Variants in CERCAM observed in about 807,000 individuals in gnomAD.
CERCAM encodes inactive glycosyltransferase 25 family member 3.
CERCAM carries 59 observed loss-of-function variants against 66.0 expected under a neutral mutation model. The ratio of observed to expected loss-of-function variants is 0.89; its 90% CI spans 0.73 to 1.11. The LOEUF (loss-of-function observed/expected upper bound fraction) is 1.11, where lower values mean the gene tolerates loss of function less well. CERCAM is among the 50% of genes most tolerant of loss of function. CERCAM has a pLI of 0.00. For missense variants in CERCAM, 840 were observed against 828.3 expected (o/e 1.01, Z -0.17); for synonymous variants, 318 against 343.6 (o/e 0.93, Z 0.83).
Position 128,434,214 on chromosome 9 carries a change from T to C in CERCAM, c.1316T>C (p.Leu439Pro), listed in dbSNP as rs1834048856. The change falls in exon 10 of 13, where the codon CTG (leucine) becomes CCG (proline). Residue 439 changes from leucine (L) to proline (P), a missense_variant. Physicochemically the swap from Leu to Pro is moderately conservative, Grantham distance 98 (BLOSUM62 -3). Transcript: ENST00000372838. The surrounding 1 kb of genome is among the most constrained non-coding windows in gnomAD (Gnocchi z 4.5). ...ATGGAGGATGTGGAGGCAGAGAAAC[T>C]GTCTTGGGACCTGATGTAGGCAGCC... is the stretch of plus-strand genomic sequence containing the variant. Reference protein sequence around the residue: ...RLMEDVEAEKLSWDLIYLGRK... With the variant: ...RLMEDVEAEKPSWDLIYLGRK... 1.2e-6 allele frequency: 2 copies of C among 1,613,938 alleles called. No individual in the cohort carries two copies. Among genetic ancestry groups the C allele is most frequent in the East Asian group, 2.2e-5 (1 of 44,886 alleles).
intron 1 of CERCAM, chr9:128,422,637 A>C (rs980574350): frequency 3.4e-5 from 18 of 531,766 alleles, no homozygotes; most frequent in African/African-American, 1.7e-4. Flanking sequence ...TTATAGAGGG[A>C]GGACGTGAAG....
At chr9:128,431,492 T>C (rs1253887118) in intron 9 of CERCAM, 189 bp downstream of exon 9, 2 of 651,782 alleles carry the variant, frequency 3.1e-6, no homozygotes, top group African/African-American at 3.6e-5. Flanking sequence ...TTCTGCAGTC[T>C]CTCTTGAGCA....
chr9:128,424,347 C>T lies in CERCAM; in HGVS notation c.562-63C>T, dbSNP rs1427763936. Reference sequence around the variant, plus strand: ...ACGTGGAGAGCAGAGAGCCTGAGGCCTTGGGGTCTGTGGGCAGGGGCAGGG... The same window carrying T: ...ACGTGGAGAGCAGAGAGCCTGAGGCTTTGGGGTCTGTGGGCAGGGGCAGGG... On this transcript the variant is annotated intron_variant, in intron 4 of 12. Coordinates refer to ENST00000372838, the MANE Select transcript of CERCAM (RefSeq NM_016174.5). 2.4e-5 allele frequency: 39 copies of T among 1,612,392 alleles called. No homozygotes were observed. The East Asian group carries it at 8.5e-4, about 35-fold the overall frequency.
chr9:128,433,690 TG>T (rs1834033423), intron 9 of CERCAM, among the ~76,000 whole-genome samples: 1 of 152,218 alleles, frequency 6.6e-6, no homozygotes, highest in East Asian at 1.9e-4. Flanking sequence ...TGGGCCCTGG[TG>T]TTCAGCAGAT....
chr9:128,419,332 T>C, upstream of CERCAM: 1 of 152,358 alleles, frequency 6.6e-6, no homozygotes, highest in Non-Finnish European at 1.5e-5. Flanking sequence ...GGAGATAGTG[T>C]GCACAGCCCT....
At chr9:128,435,300 A>G (rs1216387601) in intron 11 of CERCAM, among the ~76,000 whole-genome samples, 1 of 151,772 alleles carries the variant, frequency 6.6e-6, no homozygotes, top group African/African-American at 2.4e-5. Flanking sequence ...CCCAGCCTCA[A>G]TTTTTGTGTT....
At chr9:128,424,693 C>G in intron 5 of CERCAM, 79 bp downstream of exon 5, 1 of 1,272,800 alleles carries the variant, frequency 7.9e-7, no homozygotes, top group Non-Finnish European at 1.1e-6. Flanking sequence ...TTACCATGCC[C>G]TTCCCTACTC....
In CERCAM at chr9:128,423,004, G is replaced by A. The variant is rs377253608; in HGVS notation, c.308+26G>A. The A allele has an allele frequency of 1.3e-4, 212 of 1,613,408 alleles. 2 individuals carry two copies. The African/African-American group carries it at 2.3e-3, about 18-fold the overall frequency. On this transcript the variant is annotated intron_variant, in intron 2 of 12. Coordinates refer to ENST00000372838, the MANE Select transcript of CERCAM (RefSeq NM_016174.5). ...GTGGTGATCTGAGGGGAAGGGTGCTGGGGAAGATGGAGAACAGCTGCAGCC... is the reference window on the plus strand; with the variant it reads ...GTGGTGATCTGAGGGGAAGGGTGCTAGGGAAGATGGAGAACAGCTGCAGCC...
chr9:128,435,724 C>G lies in CERCAM; in HGVS notation c.1607C>G (p.Pro536Arg). The G allele has an allele frequency of 6.2e-7, 1 of 1,613,714 alleles. No individual in the cohort carries two copies. Among genetic ancestry groups the G allele is most frequent in the South Asian group, 1.1e-5 (1 of 90,986 alleles). ...TCCGCCCAGCCCCTGCTCGCTGCCC[C>G]TACCCACTATGCCGGGGACGCCGAG... ...AFSAQPLLAA[P>R]THYAGDAEWL... Residue 536 changes from proline to arginine, a missense_variant, in exon 12 of 13, where the codon CCT becomes CGT. Pro to Arg is a moderately radical substitution (Grantham distance 103). Transcript: ENST00000372838.
chr9:128,429,408 C>T (rs922192210), intron 8 of CERCAM, among the ~76,000 whole-genome samples: 9 of 152,110 alleles, frequency 5.9e-5, no homozygotes, highest in African/African-American at 1.7e-4. Flanking sequence ...TAGCCAGGGC[C>T]GGGCACATAG....
At chr9:128,425,263 A>G (rs1265698625) in intron 5 of CERCAM, among the ~76,000 whole-genome samples, 4 of 150,726 alleles carry the variant, frequency 2.7e-5, no homozygotes, top group Admixed American at 2.0e-4. Flanking sequence ...CACCGTGTTA[A>G]CCAGGATGGT....
rs1274177111 is a variant in CERCAM at position 128,437,325 on chromosome 9, A to T, written c.*477A>T. The stretch of plus-strand genomic sequence containing the variant: ...TTGCCCAGCACACAGTAGGCCCTCA[A>T]TAAAAGCCATTTGCACTTTAAATAT... On this transcript the variant is annotated 3_prime_UTR_variant, in exon 13 of 13. Transcript: ENST00000372838. The T allele has an allele frequency of 6.7e-6, 1 of 149,838 alleles. No individual in the cohort carries two copies. The highest frequency in any genetic ancestry group is 1.5e-5 in the Non-Finnish European group (1 of 67,638). The allele number at this position is 149,838 out of a possible 1,614,324, so 9.3% of individuals were successfully genotyped here.
In CERCAM at chr9:128,434,205, C is replaced by T; in HGVS notation, c.1307C>T (p.Ala436Val). 1 of 1,614,124 alleles carries T rather than the reference C, an allele frequency of 6.2e-7. No homozygotes were observed. The highest frequency in any genetic ancestry group is 8.5e-7 in the Non-Finnish European group (1 of 1,180,024). ...RLERLMEDVE[A>V]EKLSWDLIYL... ...GAGCGGCTGATGGAGGATGTGGAGG[C>T]AGAGAAACTGTCTTGGGACCTGATG... Residue 436 changes from alanine to valine, a missense_variant, in exon 10 of 13, where the codon GCA becomes GTA. Transcript: ENST00000372838. The surrounding 1 kb of genome is among the most constrained non-coding windows in gnomAD (Gnocchi z 4.5).
chr9:128,428,518 C>G, intron 6 of CERCAM, 97 bp downstream of exon 6: 1 of 1,444,720 alleles, frequency 6.9e-7, no homozygotes, highest in Non-Finnish European at 9.5e-7. Context: ...CGGGCATTGG[C>G]CTTGGGGTTC....
At chr9:128,436,719 C>T (rs1588632986) in intron 12 of CERCAM, 130 bp from the exon 13 acceptor site, 2 of 152,492 alleles carry the variant, frequency 1.3e-5, no homozygotes, top group African/African-American at 2.4e-5. Flanking sequence ...GCTGTCTCCG[C>T]ATCCCTCTCT....
rs774488982 is a variant in CERCAM, at chr9:128,426,099, C to T, written c.766+1485C>T. 1.1e-3 allele frequency among the ~76,000 whole-genome samples: 174 copies of T among 152,122 alleles called. 1 individual carries two copies. Among genetic ancestry groups the T allele is most frequent in the Middle Eastern group, 3.4e-3 (1 of 294 alleles). On this transcript the variant is annotated intron_variant, in intron 5 of 12. Transcript: ENST00000372838. ...AATTACAGGCGTGAGCCACCGCCCC[C>T]GGCTGCGAGATCCCATCTCTACAAA...
intron 1 of CERCAM, 133 bp downstream of exon 1, chr9:128,421,207 G>A: frequency 8.1e-7 from 1 of 1,236,326 alleles, no homozygotes; most frequent in Non-Finnish European, 1.0e-6. Context: ...CTCACAGACG[G>A]CCCTGCCAGC....
chr9:128,435,786 G>A lies in CERCAM; in HGVS notation c.1669G>A (p.Asp557Asn). 3.1e-6 allele frequency: 5 copies of A among 1,613,032 alleles called. No individual in the cohort carries two copies. Among genetic ancestry groups the A allele is most frequent in the Non-Finnish European group, 4.2e-6 (5 of 1,179,780 alleles). Residue 557 changes from aspartate (D) to asparagine (N), a missense_variant, in exon 12 of 13, where the codon GAT becomes AAT. Physicochemically the swap from Asp to Asn is conservative, Grantham distance 23 (BLOSUM62 1). Transcript: ENST00000372838. ...CACGGAGACATCCTCTCCATGGGAT[G>A]ATGACAGCGGCCGCCTCATCAGCTG... ...SDTETSSPWD[D>N]DSGRLISWSG...
At chr9:128,424,679 CT>C in intron 5 of CERCAM, 65 bp downstream of exon 5, 1 of 1,435,578 alleles carries the variant, frequency 7.0e-7, no homozygotes, top group South Asian at 1.1e-5. Flanking sequence ...GCTATTCCAG[CT>C]GCTTACCATG....
Sources: gnomAD v4.1 joint callset for allele counts (sites outside exome capture counted in the v4.1 genomes callset) on GRCh38, gnomAD v4.1.1 for gene constraint, Gnocchi (gnomAD v3.1) non-coding constraint, MANE v1.5 for transcripts, NCBI Gene and HGNC (gene_info 2026-07-23, HGNC 2026-07-21) for gene names.